COG3: variants seen among roughly 807,000 people sequenced by gnomAD.
COG3 encodes component of oligomeric golgi complex 3.
Under a neutral mutation model 114.1 loss-of-function variants are expected in COG3, and 32 were observed. The ratio of observed to expected loss-of-function variants is 0.28; its 90% confidence interval spans 0.21 to 0.38. COG3 has a LOEUF of 0.38. Ranked by LOEUF, COG3 falls within the 10% of genes least tolerant of loss-of-function variation. The probability of loss-of-function intolerance (pLI) is 1.00; values close to 1 mark genes in which losing one functional copy is unlikely to be tolerated. For missense variants in COG3, 813 were observed against 973.2 expected (o/e 0.84, Z 2.19); for synonymous variants, 352 against 365.7 (o/e 0.96, Z 0.43).
chr13:45,481,265 A>G lies in COG3; in HGVS notation c.585A>G (p.Gln195=), dbSNP rs775397540. 19 of 1,600,016 alleles carry G rather than the reference A, an allele frequency of 1.2e-5. No individual in the cohort carries two copies. The highest frequency in any genetic ancestry group is 2.6e-6 in the Non-Finnish European group (3 of 1,169,070). The stretch of plus-strand genomic sequence containing the variant: ...TTGATCTGGCTGAAAACATTCAACA[A>G]AAGCTTTCCTATTTTAACGAATTGG... The part of the protein sequence containing the change: ...ELVDLAENIQ[Q]KLSYFNELET... The change falls in exon 5 of 23, where the codon CAA becomes CAG. Residue 195 remains glutamine, a synonymous_variant. Transcript: ENST00000349995.
intron 14 of COG3, 106 bp downstream of exon 14, chr13:45,503,455 G>A: frequency 1.6e-6 from 1 of 643,150 alleles, no homozygotes; most frequent in South Asian, 2.0e-5. Context: ...TGCCTTTGAG[G>A]AGCCCACACT....
chr13:45,515,471 CTT>C (rs1391761442), intron 16 of COG3, among the ~76,000 whole-genome samples: 2 of 152,160 alleles, frequency 1.3e-5, no homozygotes, highest in Non-Finnish European at 2.9e-5. Context: ...TATACAAACT[CTT>C]TTCTGAAATG....
chr13:45,494,765 G>C lies in COG3; in HGVS notation c.1327+1279G>C, dbSNP rs139509753. ...GGTCTTGAGCTCCTGGACTCAAGCA[G>C]TCTGCCCTCCTTGGCCTCCCAAAGT... On this transcript the variant is annotated intron_variant, in intron 12 of 22. Transcript: ENST00000349995. Among the ~76,000 whole-genome samples the C allele has an allele frequency of 3.8e-3, 581 of 152,092 alleles. 4 individuals are homozygous for C. The highest frequency in any genetic ancestry group is 0.013 in the African/African-American group (559 of 41,486).
chr13:45,466,251 C>T (rs1400729566), intron 1 of COG3, among the ~76,000 whole-genome samples: 1 of 152,118 alleles, frequency 6.6e-6, no homozygotes, highest in African/African-American at 2.4e-5. Flanking sequence ...GTTGTCCAGG[C>T]TGTTCTCGAA....
chr13:45,491,515 A>G lies in COG3; in HGVS notation c.1072A>G (p.Asn358Asp). Reference protein sequence around the residue: ...ACTVAELTSQNNRDHCALVRS... With the variant: ...ACTVAELTSQDNRDHCALVRS... ...CACTGTTGCAGAGTTAACCAGCCAA[A>G]ATAATAGAGATCACTGTGCCTTGGT... Residue 358 changes from asparagine (N) to aspartate (D), a missense_variant, in exon 10 of 23, where the codon AAT becomes GAT. Physicochemically the swap from Asn to Asp is conservative, Grantham distance 23 (BLOSUM62 1). Transcript: ENST00000349995. 6.2e-7 allele frequency: 1 copy of G among 1,612,514 alleles called. No individual in the cohort carries two copies. The highest frequency in any genetic ancestry group is 8.5e-7 in the Non-Finnish European group (1 of 1,179,382).
At chr13:45,503,425 C>T (rs1869759991) in intron 14 of COG3, 76 bp downstream of exon 14, 1 of 795,270 alleles carries the variant, frequency 1.3e-6, no homozygotes, top group Non-Finnish European at 2.1e-6. Flanking sequence ...TGTCCTGTCC[C>T]AGACATGAAA....
intron 8 of COG3, among the ~76,000 whole-genome samples, chr13:45,488,195 A>G (rs879408347): frequency 6.6e-6 from 1 of 152,004 alleles, no homozygotes; most frequent in African/African-American, 2.4e-5. Context: ...GGAGGTAGAG[A>G]GTAGAATGAT....
chr13:45,534,313 G>C (rs1445948168), intron 22 of COG3, among the ~76,000 whole-genome samples: 1 of 152,194 alleles, frequency 6.6e-6, no homozygotes, highest in Non-Finnish European at 1.5e-5. Context: ...GATTTTAAGT[G>C]ATTTGATGGC....
intron 2 of COG3, 139 bp from the exon 3 acceptor site, chr13:45,478,866 G>A: frequency 1.5e-6 from 1 of 656,968 alleles, no homozygotes. Flanking sequence ...TTTTCTCCTG[G>A]CCTAAAACTG....
chr13:45,518,878 T>C (rs1434115303), intron 18 of COG3, 28 bp downstream of exon 18: 4 of 1,610,494 alleles, frequency 2.5e-6, no homozygotes, highest in Non-Finnish European at 3.4e-6. Context: ...TCATTGGTGG[T>C]GGGAGATAAA....
At chr13:45,524,938 T>C (rs1279158947) in intron 19 of COG3, 38 bp from the exon 20 acceptor site, 1 of 1,536,880 alleles carries the variant, frequency 6.5e-7, no homozygotes, top group Admixed American at 1.7e-5. Context: ...TTGTCATTGA[T>C]GAAATGAAAC....
chr13:45,503,419 C>A, intron 14 of COG3, 70 bp downstream of exon 14: 1 of 823,780 alleles, frequency 1.2e-6, no homozygotes, highest in Non-Finnish European at 2.1e-6. Flanking sequence ...AGGACTTGTC[C>A]TGTCCCAGAC....
intron 21 of COG3, among the ~76,000 whole-genome samples, chr13:45,530,132 G>A (rs997666347): frequency 6.6e-6 from 1 of 152,030 alleles, no homozygotes. Context: ...AGTTTTTAAT[G>A]TTACTACTGA....
chr13:45,524,474 A>T (rs1017969749), intron 19 of COG3, among the ~76,000 whole-genome samples: 6 of 152,134 alleles, frequency 3.9e-5, no homozygotes, highest in African/African-American at 1.4e-4. Context: ...TGACTTTTTG[A>T]TGGTATTTGA....
At chr13:45,472,058 A>T (rs1225418511) in intron 1 of COG3, among the ~76,000 whole-genome samples, 1 of 151,870 alleles carries the variant, frequency 6.6e-6, no homozygotes, top group Non-Finnish European at 1.5e-5. Context: ...AACAGTCCTT[A>T]TTTCTCCTAC....
In COG3 at chr13:45,497,550, G is replaced by T. The variant is rs376764198; in HGVS notation, c.1488+1238G>T. On this transcript the variant is annotated intron_variant, in intron 13 of 22. Coordinates refer to ENST00000349995, the MANE Select transcript of COG3 (RefSeq NM_031431.4). The stretch of plus-strand genomic sequence containing the variant: ...TGTAATCACAGCACTTTGAGAGGCC[G>T]AGGCGGGAGGATCACTTAATCTCAG... 1.8e-4 allele frequency among the ~76,000 whole-genome samples: 28 copies of T among 152,242 alleles called. 1 individual carries two copies. In the South Asian group the frequency reaches 5.8e-3, roughly 32 times the overall value.
intron 13 of COG3, among the ~76,000 whole-genome samples, chr13:45,499,344 A>T (rs1014854543): frequency 1.3e-5 from 2 of 152,214 alleles, no homozygotes; most frequent in African/African-American, 4.8e-5. Flanking sequence ...AGATTTTTAT[A>T]CTACTTTTGT....
At position 45,486,541 on chromosome 13, in the gene COG3, A is replaced by T; in HGVS notation, c.890A>T (p.Tyr297Phe). The change falls in exon 8 of 23, where the codon TAT (tyrosine) becomes TTT (phenylalanine). Residue 297 changes from tyrosine to phenylalanine, a missense_variant. Tyr to Phe is a conservative substitution (Grantham distance 22). Coordinates refer to ENST00000349995, the MANE Select transcript of COG3 (RefSeq NM_031431.4). ...PNADNAFTLFYVKFRAAAPKV... is the reference protein window; with the variant it reads ...PNADNAFTLFFVKFRAAAPKV... ...GCAGACAATGCCTTCACATTATTTT[A>T]TGTGAAATTTCGAGCTGCTGCCCCC... The T allele has an allele frequency of 6.2e-7, 1 of 1,611,266 alleles. No homozygotes were observed. Among genetic ancestry groups the T allele is most frequent in the Non-Finnish European group, 8.5e-7 (1 of 1,177,498 alleles).
chr13:45,483,814 C>G (rs1886403670), intron 7 of COG3, among the ~76,000 whole-genome samples: 1 of 151,980 alleles, frequency 6.6e-6, no homozygotes, highest in Admixed American at 6.6e-5. Context: ...TATTTTTCAA[C>G]TTTTCTATAT....
Sources: allele counts gnomAD v4.1 joint callset (sites outside exome capture counted in the v4.1 genomes callset), GRCh38; gene constraint gnomAD v4.1.1; transcripts MANE v1.5; gene names NCBI Gene and HGNC (gene_info 2026-07-23, HGNC 2026-07-21).